MAGI2: variants seen among roughly 807,000 people sequenced by gnomAD.
MAGI2 encodes the protein membrane-associated guanylate kinase, WW and PDZ domain-containing protein 2.
MAGI2 carries 35 observed loss-of-function variants against 133.3 expected under a neutral mutation model. That is an observed-to-expected ratio of 0.26 (90% CI 0.20 to 0.35). The LOEUF is 0.35. Ranked by LOEUF, MAGI2 falls within the 10% of genes least tolerant of loss-of-function variation. The pLI, the probability that MAGI2 is intolerant of heterozygous loss-of-function variation, is 1.00. For missense variants in MAGI2, 1,636 were observed against 1,863.4 expected (o/e 0.88, Z 2.25); for synonymous variants, 729 against 710.6 (o/e 1.03, Z -0.41).
intron 2 of MAGI2, among the ~76,000 whole-genome samples, chr7:78,724,893 C>T (rs1273946608): frequency 2.0e-5 from 3 of 152,112 alleles, no homozygotes; most frequent in Admixed American, 6.5e-5. Flanking sequence ...TTTAGAAGAC[C>T]TTGAGCCAAT....
At chr7:78,524,780 T>C (rs1796811435) in intron 3 of MAGI2, among the ~76,000 whole-genome samples, 1 of 152,312 alleles carries the variant, frequency 6.6e-6, no homozygotes, top group Admixed American at 6.5e-5. Flanking sequence ...AGTAAGTATG[T>C]TGCTATGCTT....
At chr7:79,141,322 T>A (rs572383333) in intron 1 of MAGI2, among the ~76,000 whole-genome samples, 1 of 152,288 alleles carries the variant, frequency 6.6e-6, no homozygotes, top group African/African-American at 2.4e-5. Context: ...GGCTCTTGGA[T>A]TTTTCATATA....
At chr7:78,328,208 C>T (rs1008698745) in intron 9 of MAGI2, among the ~76,000 whole-genome samples, 1 of 151,834 alleles carries the variant, frequency 6.6e-6, no homozygotes, top group African/African-American at 2.4e-5. Context: ...GAAAAATGAC[C>T]TTTGCATTTT....
chr7:78,931,568 TA>T (rs1800126647), intron 2 of MAGI2, among the ~76,000 whole-genome samples: 1 of 151,618 alleles, frequency 6.6e-6, no homozygotes, highest in South Asian at 2.1e-4. Flanking sequence ...GTAGAGTAAA[TA>T]AGAAATAAAA....
At chr7:78,972,933 G>A (rs1803910871) in intron 2 of MAGI2, among the ~76,000 whole-genome samples, 1 of 107,080 alleles carries the variant, frequency 9.3e-6, no homozygotes, top group Non-Finnish European at 1.9e-5. Flanking sequence ...TGCTCTTGTT[G>A]CTTTTACACA....
At chr7:78,740,456 A>T (rs992838290) in intron 2 of MAGI2, among the ~76,000 whole-genome samples, 16 of 152,360 alleles carry the variant, frequency 1.1e-4, no homozygotes, top group African/African-American at 3.8e-4. Flanking sequence ...TAGGACTAAC[A>T]TTCAAAATCT....
rs531701411 is a variant in MAGI2 at position 78,468,631 on chromosome 7, T to C, written c.1045+21130A>G. 2.6e-5 allele frequency among the ~76,000 whole-genome samples: 4 copies of C among 152,268 alleles called. No homozygotes were observed. The East Asian group carries it at 5.8e-4, about 22-fold the overall frequency. ...AAATTGGTTTCAAGTTATAATTTTC[T>C]CTAAGTTATTTAATATAATTGGCTT... On this transcript the variant is annotated intron_variant, in intron 6 of 21. Transcript: ENST00000354212.
At chr7:78,088,515 C>G (rs1816863657) in intron 20 of MAGI2, among the ~76,000 whole-genome samples, 1 of 152,048 alleles carries the variant, frequency 6.6e-6, no homozygotes, top group Non-Finnish European at 1.5e-5. Flanking sequence ...GAAGAATGGG[C>G]AGGGTTAATG....
intron 2 of MAGI2, among the ~76,000 whole-genome samples, chr7:78,857,315 A>T (rs1563587027): frequency 6.6e-6 from 1 of 152,150 alleles, no homozygotes; most frequent in Non-Finnish European, 1.5e-5. Context: ...GAGAGAGGGC[A>T]TCCCTGTCTT....
intron 1 of MAGI2, chr7:79,415,743 G>T (rs1025804089): frequency 2.0e-5 from 3 of 152,066 alleles, no homozygotes; most frequent in African/African-American, 7.2e-5. Context: ...TTTATAAAAT[G>T]GTTCTATCTA....
At chr7:78,733,230 C>A (rs2151230650) in intron 2 of MAGI2, among the ~76,000 whole-genome samples, 1 of 152,246 alleles carries the variant, frequency 6.6e-6, no homozygotes, top group South Asian at 2.1e-4. Flanking sequence ...TTTACTAGTT[C>A]TTACTAACAT....
intron 3 of MAGI2, among the ~76,000 whole-genome samples, chr7:78,590,129 T>A (rs539221835): frequency 6.6e-6 from 1 of 151,796 alleles, no homozygotes; most frequent in Non-Finnish European, 1.5e-5. Flanking sequence ...GAAGAGGGAG[T>A]AGTTTTGCAG....
At chr7:78,470,938 T>A (rs1354391903) in intron 6 of MAGI2, among the ~76,000 whole-genome samples, 1 of 152,068 alleles carries the variant, frequency 6.6e-6, no homozygotes, top group Non-Finnish European at 1.5e-5. Context: ...TAACGTGCCT[T>A]TGAGGTAAGC....
intron 2 of MAGI2, among the ~76,000 whole-genome samples, chr7:78,930,265 AG>A (rs1166516443): frequency 6.6e-6 from 1 of 152,130 alleles, no homozygotes; most frequent in Non-Finnish European, 1.5e-5. Context: ...ACCACTGAAA[AG>A]GGTTAAGATA....
chr7:79,065,853 T>G (rs1814262324), intron 1 of MAGI2, among the ~76,000 whole-genome samples: 1 of 152,180 alleles, frequency 6.6e-6, no homozygotes, highest in Non-Finnish European at 1.5e-5. Context: ...GAATGATGGT[T>G]TCCAGCTTCA....
chr7:78,874,823 T>A (rs1281108399), intron 2 of MAGI2, among the ~76,000 whole-genome samples: 1 of 152,208 alleles, frequency 6.6e-6, no homozygotes, highest in East Asian at 1.9e-4. Flanking sequence ...ACGGATAGGC[T>A]AATTGCCCTA....
chr7:78,954,019 A>C (rs1162012573), intron 2 of MAGI2, among the ~76,000 whole-genome samples: 1 of 152,158 alleles, frequency 6.6e-6, no homozygotes, highest in Admixed American at 6.5e-5. Flanking sequence ...TAGTTAATAA[A>C]TCATTAGACA....
intron 2 of MAGI2, among the ~76,000 whole-genome samples, chr7:78,809,134 T>C (rs1161044059): frequency 3.3e-5 from 5 of 152,216 alleles, no homozygotes; most frequent in East Asian, 1.9e-4. Flanking sequence ...TTTCAGACTA[T>C]GGACTTGCAA....
chr7:78,037,771 C>A (rs1238559212), intron 21 of MAGI2, among the ~76,000 whole-genome samples: 2 of 152,132 alleles, frequency 1.3e-5, no homozygotes, highest in East Asian at 3.9e-4. Context: ...GTGCAGCACC[C>A]CAGGGAGGGG....
Sources: gnomAD v4.1 joint callset for allele counts (sites outside exome capture counted in the v4.1 genomes callset) on GRCh38, gnomAD v4.1.1 for gene constraint, MANE v1.5 for transcripts, NCBI Gene and HGNC (gene_info 2026-07-23, HGNC 2026-07-21) for gene names.